The following KDM4C variants were observed in gnomAD, a reference collection of about 807,000 sequenced individuals.
The protein encoded by KDM4C is lysine demethylase 4C.
KDM4C carries 81 observed loss-of-function variants against 129.3 expected under a neutral mutation model. The observed-to-expected ratio is 0.63, with a 90% confidence interval of 0.52 to 0.75. The LOEUF (loss-of-function observed/expected upper bound fraction) is 0.75, where lower values mean the gene tolerates loss of function less well. KDM4C is among the 30% of genes least tolerant of loss of function. KDM4C has a pLI of 0.00. For synonymous variants in KDM4C, 573 were observed against 456.1 expected (o/e 1.26, Z -3.26); for missense variants, 1,457 against 1,304.0 (o/e 1.12, Z -1.81).
rs767911344 is a variant in KDM4C, at chr9:6,825,241, ACT to A, written c.435+10499_435+10500del. Among the ~76,000 whole-genome samples, 112 of 151,682 alleles carry A rather than the reference ACT, an allele frequency of 7.4e-4. 1 individual carries two copies. The highest frequency in any genetic ancestry group is 1.4e-3 in the Non-Finnish European group (97 of 67,946). ...TCATATGTCCTATAGCTTCTGGAAA[ACT>A]CTATACTCATGAGAGTGAAAAAGGC... On this transcript the variant is annotated intron_variant, in intron 4 of 21. Transcript: ENST00000381309.
At chr9:6,892,434 A>AG (rs1846229056) in intron 7 of KDM4C, among the ~76,000 whole-genome samples, 1 of 152,164 alleles carries the variant, frequency 6.6e-6, no homozygotes, top group Admixed American at 6.5e-5. Flanking sequence ...AAATAGAAAC[A>AG]GGGTAAATAC....
intron 17 of KDM4C, among the ~76,000 whole-genome samples, chr9:7,066,880 C>A (rs912538570): frequency 4.7e-4 from 71 of 152,212 alleles, no homozygotes; most frequent in Non-Finnish European, 2.4e-4. Context: ...ATATTATCCT[C>A]TTCTTACGTT....
At chr9:7,146,255 G>A (rs1842205505) in intron 19 of KDM4C, among the ~76,000 whole-genome samples, 2 of 152,162 alleles carry the variant, frequency 1.3e-5, no homozygotes, top group Non-Finnish European at 2.9e-5. Context: ...TTTGGAGAGT[G>A]TAATCATAGG....
intron 11 of KDM4C, among the ~76,000 whole-genome samples, chr9:6,987,310 ACTC>A (rs1246176760): frequency 6.6e-6 from 1 of 151,920 alleles, no homozygotes; most frequent in South Asian, 2.1e-4. Context: ...CTGAGAAAAG[ACTC>A]CTCTATATTA....
chr9:7,003,665 G>A (rs1031751760), intron 12 of KDM4C, among the ~76,000 whole-genome samples: 63 of 152,044 alleles, frequency 4.1e-4, no homozygotes, highest in African/African-American at 1.5e-3. Flanking sequence ...GCATTTTGGG[G>A]GAACTGTAAT....
chr9:6,977,984 T>A (rs16925023), intron 8 of KDM4C, among the ~76,000 whole-genome samples: 6 of 152,204 alleles, frequency 3.9e-5, no homozygotes, highest in Non-Finnish European at 1.5e-5. Flanking sequence ...GAAACCTCAA[T>A]GTTCTTGTGG....
At chr9:6,844,060 C>G (rs192738970) in intron 4 of KDM4C, among the ~76,000 whole-genome samples, 1 of 152,232 alleles carries the variant, frequency 6.6e-6, no homozygotes, top group East Asian at 1.9e-4. Context: ...TCGTCTCAAA[C>G]TCCTGGGCTC....
chr9:6,835,128 G>C, intron 4 of KDM4C: 1 of 1,000,048 alleles, frequency 1.0e-6, no homozygotes, highest in Non-Finnish European at 1.6e-6. Flanking sequence ...TCGAGCAGGA[G>C]ATGGCCATGG....
At chr9:6,751,288 A>C (rs1818055716) in intron 1 of KDM4C, among the ~76,000 whole-genome samples, 1 of 152,276 alleles carries the variant, frequency 6.6e-6, no homozygotes, top group South Asian at 2.1e-4. Flanking sequence ...TCTACAAAAA[A>C]TACAAAAATT....
intron 8 of KDM4C, among the ~76,000 whole-genome samples, chr9:6,943,643 C>G (rs1008159945): frequency 6.6e-6 from 1 of 151,558 alleles, no homozygotes; most frequent in African/African-American, 2.4e-5. Flanking sequence ...CCACTGCACT[C>G]CAGTCTGGGC....
At chr9:6,967,861 C>T (rs1831276951) in intron 8 of KDM4C, among the ~76,000 whole-genome samples, 1 of 152,144 alleles carries the variant, frequency 6.6e-6, no homozygotes, top group Non-Finnish European at 1.5e-5. Context: ...AGATATGAGG[C>T]TGTGTCTTTA....
chr9:6,784,967 G>A (rs1588243430), intron 1 of KDM4C, among the ~76,000 whole-genome samples: 1 of 152,222 alleles, frequency 6.6e-6, no homozygotes, highest in Non-Finnish European at 1.5e-5. Flanking sequence ...AAAAGTCAGA[G>A]TATTAGGAGC....
intron 17 of KDM4C, among the ~76,000 whole-genome samples, chr9:7,072,297 T>C (rs913211778): frequency 2.7e-4 from 41 of 152,214 alleles, no homozygotes; most frequent in African/African-American, 9.9e-4. Flanking sequence ...GCAATCCCAC[T>C]TCTAGGAATT....
chr9:6,964,128 T>G (rs1267281229), intron 8 of KDM4C, among the ~76,000 whole-genome samples: 4 of 152,228 alleles, frequency 2.6e-5, no homozygotes, highest in African/African-American at 9.6e-5. Flanking sequence ...CTAGGCTACA[T>G]GTGCACAACG....
chr9:6,872,222 G>T (rs896854072), intron 5 of KDM4C, among the ~76,000 whole-genome samples: 4 of 152,192 alleles, frequency 2.6e-5, no homozygotes, highest in Non-Finnish European at 4.4e-5. Context: ...AGTGACAATA[G>T]TCTAGCTGAA....
chr9:6,992,573 G>A (rs917882809), intron 12 of KDM4C, among the ~76,000 whole-genome samples: 6 of 152,144 alleles, frequency 3.9e-5, no homozygotes, highest in African/African-American at 1.2e-4. Flanking sequence ...TCTGTTGCCC[G>A]AAGTAAATTA....
chr9:6,858,048 T>A (rs773172750), intron 5 of KDM4C, among the ~76,000 whole-genome samples: 6 of 149,392 alleles, frequency 4.0e-5, no homozygotes, highest in African/African-American at 7.4e-5. Context: ...CTCAAACTCC[T>A]AAGCTCAAGC....
intron 8 of KDM4C, among the ~76,000 whole-genome samples, chr9:6,901,521 C>T (rs146472141): frequency 1.5e-3 from 231 of 152,284 alleles, no homozygotes; most frequent in Non-Finnish European, 2.7e-3. Flanking sequence ...ATCTTGCTGC[C>T]AAGGGCAGGA....
chr9:7,070,708 A>G (rs1833076274), intron 17 of KDM4C, among the ~76,000 whole-genome samples: 1 of 152,180 alleles, frequency 6.6e-6, no homozygotes, highest in Admixed American at 6.5e-5. Context: ...GAACTTCCTC[A>G]TTCTAATAAA....
Sources: gnomAD v4.1 joint callset for allele counts (sites outside exome capture counted in the v4.1 genomes callset) on GRCh38, gnomAD v4.1.1 for gene constraint, MANE v1.5 for transcripts, NCBI Gene and HGNC (gene_info 2026-07-23, HGNC 2026-07-21) for gene names.